SSBP3: variants seen among roughly 807,000 people sequenced by gnomAD.
SSBP3 encodes the protein single-stranded DNA-binding protein 3.
In SSBP3, 5 loss-of-function variants were observed where a neutral mutation model predicts 69.6. The observed-to-expected ratio is 0.07, with a 90% CI of 0.04 to 0.15. SSBP3 has a LOEUF of 0.15. Among genes scored for constraint, SSBP3 ranks in the 10% least tolerant of loss-of-function variants. The pLI, the probability that SSBP3 is intolerant of heterozygous loss-of-function variation, is 1.00. For missense variants in SSBP3, 312 were observed against 534.0 expected, an observed-to-expected ratio of 0.58 and a Z score of 4.10; for synonymous variants, 196 against 193.4, an observed-to-expected ratio of 1.01 and a Z score of -0.11.
At chr1:54,325,953 C>T (rs1488864251) in intron 4 of SSBP3, among the ~76,000 whole-genome samples, 1 of 151,926 alleles carries the variant, frequency 6.6e-6, no homozygotes, top group Non-Finnish European at 1.5e-5. Flanking sequence ...AGGCAGCTCC[C>T]CCCCGCCACC....
intron 4 of SSBP3, among the ~76,000 whole-genome samples, chr1:54,324,651 G>A (rs529410406): frequency 2.1e-5 from 3 of 141,700 alleles, no homozygotes; most frequent in African/African-American, 5.7e-5. Context: ...TTTTCACCCC[G>A]TTCCAGTTCC....
chr1:54,386,272 G>C (rs994855552), intron 4 of SSBP3, among the ~76,000 whole-genome samples: 2 of 152,230 alleles, frequency 1.3e-5, no homozygotes, highest in Non-Finnish European at 2.9e-5. Context: ...GGAAAAGCAA[G>C]GGCTGGGTGG....
At chr1:54,241,690 T>G (rs1344654312) in intron 11 of SSBP3, among the ~76,000 whole-genome samples, 181 bp from the exon 12 acceptor site, 1 of 152,180 alleles carries the variant, frequency 6.6e-6, no homozygotes, top group African/African-American at 2.4e-5. Context: ...CTCTGCTACA[T>G]TGAACTGACC....
chr1:54,400,845 G>A (rs1649241288), intron 4 of SSBP3, among the ~76,000 whole-genome samples: 1 of 152,144 alleles, frequency 6.6e-6, no homozygotes, highest in Admixed American at 6.5e-5. Flanking sequence ...ACCTCCACAT[G>A]CAGGGAACTC....
chr1:54,240,093 CGCGCGCGTGTGCGT>C (rs1441437089), intron 13 of SSBP3, among the ~76,000 whole-genome samples: 4 of 21,238 alleles, frequency 1.9e-4, no homozygotes, highest in Middle Eastern at 0.017. Context: ...TGTGTGCGCG[CGCGCGCGTGTGCGT>C]GCGCGCGCGC....
intron 14 of SSBP3, 132 bp from the exon 15 acceptor site, chr1:54,228,958 C>T (rs972935286): frequency 2.6e-5 from 23 of 901,956 alleles, no homozygotes; most frequent in Admixed American, 6.7e-5. Flanking sequence ...TGCTCACACT[C>T]GGACATGTCC....
intron 4 of SSBP3, among the ~76,000 whole-genome samples, chr1:54,294,164 AAAGAAAGAAAGAAAG>A (rs1557504875): frequency 5.9e-5 from 4 of 67,820 alleles, no homozygotes; most frequent in African/African-American, 2.1e-4. Flanking sequence ...AAAAAAAAAG[AAAGAAAGAAAGAAAG>A]AAAGAAAGAA....
chr1:54,370,677 CAGG>C (rs1647116592), intron 4 of SSBP3, among the ~76,000 whole-genome samples: 2 of 152,162 alleles, frequency 1.3e-5, no homozygotes, highest in African/African-American at 2.4e-5. Context: ...AGCTCACATA[CAGG>C]AGATTGTTCT....
At chr1:54,301,582 G>A (rs187956638) in intron 4 of SSBP3, among the ~76,000 whole-genome samples, 166 of 152,300 alleles carry the variant, frequency 1.1e-3, no homozygotes, top group South Asian at 9.9e-3. Context: ...GGACCCTCGC[G>A]GCTCCTAAGG....
intron 4 of SSBP3, among the ~76,000 whole-genome samples, chr1:54,391,954 C>T (rs1648530055): frequency 6.6e-6 from 1 of 152,150 alleles, no homozygotes; most frequent in African/African-American, 2.4e-5. Context: ...GCTGCAAACT[C>T]CTCCAGCTTT....
intron 9 of SSBP3, 28 bp from the exon 10 acceptor site, chr1:54,243,327 T>C (rs745321829): frequency 3.1e-6 from 5 of 1,613,598 alleles, no homozygotes; most frequent in African/African-American, 2.7e-5. Flanking sequence ...GGTCAGTCTA[T>C]GAGAAGAAGG....
chr1:54,237,204 T>G (rs747706284), intron 14 of SSBP3: 1 of 152,188 alleles, frequency 6.6e-6, no homozygotes, highest in Non-Finnish European at 1.5e-5. Context: ...GCTGGAAGGA[T>G]CAGACAGGGT....
chr1:54,388,908 G>A (rs1648279201), intron 4 of SSBP3, among the ~76,000 whole-genome samples: 1 of 152,222 alleles, frequency 6.6e-6, no homozygotes, highest in Non-Finnish European at 1.5e-5. Context: ...CCTCTACAGA[G>A]GTCAACCCTG....
intron 4 of SSBP3, among the ~76,000 whole-genome samples, chr1:54,360,572 AG>A (rs1332684320): frequency 6.6e-6 from 1 of 152,196 alleles, no homozygotes; most frequent in Non-Finnish European, 1.5e-5. Context: ...GATCACAGAA[AG>A]CCTGCATGGG....
chr1:54,296,483 C>T (rs977472269), intron 4 of SSBP3, among the ~76,000 whole-genome samples: 4 of 152,208 alleles, frequency 2.6e-5, no homozygotes, highest in African/African-American at 9.7e-5. Context: ...TTTGGGCCTT[C>T]GGTAACTTTG....
At chr1:54,316,660 TAAAATAAA>T (rs1387818595) in intron 4 of SSBP3, among the ~76,000 whole-genome samples, 8 of 27,598 alleles carry the variant, frequency 2.9e-4, no homozygotes, top group Middle Eastern at 0.017. Context: ...AAAAAAAAAA[TAAAATAAA>T]TAAATAAATA....
At chr1:54,391,282 T>C (rs1404337005) in intron 4 of SSBP3, among the ~76,000 whole-genome samples, 13 of 152,152 alleles carry the variant, frequency 8.5e-5, no homozygotes, top group Admixed American at 8.5e-4. Flanking sequence ...CGGCCACTGT[T>C]TCCTATCATT....
chr1:54,242,187 G>C, exon 11 of SSBP3: 1 of 1,613,668 alleles, frequency 6.2e-7, no homozygotes, highest in Non-Finnish European at 8.5e-7. Context: ...TTAGGATTGG[G>C]CCAGGGTCTG....
chr1:54,297,473 A>G (rs887790230), intron 4 of SSBP3, among the ~76,000 whole-genome samples: 6 of 152,190 alleles, frequency 3.9e-5, no homozygotes, highest in Admixed American at 2.6e-4. Context: ...TCTACTAAAA[A>G]TACAAAAATT....
Sources: gnomAD v4.1 joint callset for allele counts (sites outside exome capture counted in the v4.1 genomes callset) on GRCh38, gnomAD v4.1.1 for gene constraint, MANE v1.5 for transcripts, NCBI Gene and HGNC (gene_info 2026-07-23, HGNC 2026-07-21) for gene names.